Variants in SIN3A observed in about 807,000 individuals in gnomAD.
SIN3A encodes paired amphipathic helix protein Sin3a.
Under a neutral mutation model 146.1 loss-of-function variants are expected in SIN3A, and 14 were observed. The observed-to-expected ratio is 0.10, with a 90% CI of 0.06 to 0.15. The LOEUF (loss-of-function observed/expected upper bound fraction) is 0.15. Ranked by LOEUF, SIN3A falls within the 10% of genes least tolerant of loss-of-function variation. SIN3A has a pLI of 1.00. For synonymous variants in SIN3A, 572 were observed against 572.0 expected (o/e 1.00, Z 0.00); for missense variants, 1,028 against 1,576.0 (o/e 0.65, Z 5.89).
chr15:75,420,242 A>G (rs1005543190), intron 3 of SIN3A: 1 of 152,210 alleles, frequency 6.6e-6, no homozygotes, highest in African/African-American at 2.4e-5. Flanking sequence ...CTGACATTCA[A>G]TAACTAAATA....
intron 1 of SIN3A, among the ~76,000 whole-genome samples, chr15:75,438,838 T>C (rs1452586378): frequency 6.6e-6 from 1 of 152,242 alleles, no homozygotes; most frequent in Non-Finnish European, 1.5e-5. Context: ...CAAACTTCCA[T>C]CGCAGTATTA....
chr15:75,376,916 T>C (rs2072872857), intron 19 of SIN3A, among the ~76,000 whole-genome samples: 1 of 147,096 alleles, frequency 6.8e-6, no homozygotes, highest in South Asian at 2.2e-4. Flanking sequence ...TCAGTGAGAA[T>C]CTTTGTATAC....
At chr15:75,372,786 C>T (rs971108793) in intron 20 of SIN3A, among the ~76,000 whole-genome samples, 1 of 149,842 alleles carries the variant, frequency 6.7e-6, no homozygotes, top group Non-Finnish European at 1.5e-5. Flanking sequence ...CACCACCGCA[C>T]CCCAGCCTAG....
intron 9 of SIN3A, among the ~76,000 whole-genome samples, chr15:75,404,577 T>G (rs1267230886): frequency 6.6e-6 from 1 of 151,620 alleles, no homozygotes; most frequent in Non-Finnish European, 1.5e-5. Flanking sequence ...CTGGCCAACA[T>G]AGTGAAACCC....
At chr15:75,453,512 G>A (rs978387766), upstream of SIN3A, 2 of 152,424 alleles carry the variant, frequency 1.3e-5, no homozygotes, top group African/African-American at 4.8e-5. Flanking sequence ...GAACTACTCA[G>A]AACCCAAGCC....
chr15:75,409,895 G>C lies in SIN3A; in HGVS notation c.1258C>G (p.Pro420Ala). 1 of 1,613,802 alleles carries C rather than the reference G, an allele frequency of 6.2e-7. No homozygotes were observed. Among genetic ancestry groups the C allele is most frequent in the Non-Finnish European group, 8.5e-7 (1 of 1,180,028 alleles). The change falls in exon 8 of 21, where the codon CCC (proline) becomes GCC (alanine). Residue 420 changes from proline (P) to alanine (A), a missense_variant. Coordinates refer to ENST00000394947, the MANE Select transcript of SIN3A (RefSeq NM_001145358.2). ...CGGATCTGGCAGCCATTCTGGCTGG[G>C]CCTCTGCGGCTTGTTGTTCAGTTGG... Reference protein sequence around the residue: ...KPQLNNKPQRPSQNGCQIRRH... With the variant: ...KPQLNNKPQRASQNGCQIRRH...
intron 12 of SIN3A, among the ~76,000 whole-genome samples, chr15:75,396,733 T>C (rs1181828227): frequency 1.3e-5 from 2 of 152,176 alleles, no homozygotes; most frequent in Non-Finnish European, 2.9e-5. Context: ...GCACAATACC[T>C]GGCACATAAG....
intron 19 of SIN3A, among the ~76,000 whole-genome samples, chr15:75,377,847 C>G (rs1300586051): frequency 6.6e-6 from 1 of 152,172 alleles, no homozygotes; most frequent in African/African-American, 2.4e-5. Flanking sequence ...GAACAACTGA[C>G]TAAATATAGT....
At chr15:75,399,763 G>A (rs551560435) in intron 12 of SIN3A, among the ~76,000 whole-genome samples, 14 of 152,254 alleles carry the variant, frequency 9.2e-5, no homozygotes, top group Admixed American at 2.6e-4. Flanking sequence ...ATCTTAAAAT[G>A]CCATGCAAAA....
Position 75,409,974 on chromosome 15 carries a change from A to G in SIN3A, c.1179T>C (p.Thr393=). 1 of 1,614,190 alleles carries G rather than the reference A, an allele frequency of 6.2e-7. No individual in the cohort carries two copies. Among genetic ancestry groups the G allele is most frequent in the South Asian group, 1.1e-5 (1 of 91,086 alleles). The change falls in exon 8 of 21, where the codon ACT becomes ACC. Residue 393 remains threonine, a synonymous_variant. Coordinates refer to ENST00000394947, the MANE Select transcript of SIN3A (RefSeq NM_001145358.2). ...TTCTCACAGAATCAACCTTCTCAGCAGTTGTTTTGCTTAAAAGCTGATTAA... is the reference window on the plus strand; with the variant it reads ...TTCTCACAGAATCAACCTTCTCAGCGGTTGTTTTGCTTAAAAGCTGATTAA... ...ANSSVLLSKT[T]AEKVDSVRND...
At chr15:75,417,298 A>G (rs1379815656) in intron 3 of SIN3A, among the ~76,000 whole-genome samples, 1 of 152,134 alleles carries the variant, frequency 6.6e-6, no homozygotes, top group Non-Finnish European at 1.5e-5. Flanking sequence ...ACTGAAGCCT[A>G]AATATTTAAA....
intron 17 of SIN3A, among the ~76,000 whole-genome samples, chr15:75,383,271 T>TA (rs79340346): frequency 0.013 from 1,696 of 129,108 alleles, 35 homozygotes; most frequent in African/African-American, 0.037. Context: ...GTCCCTGTCT[T>TA]AAAAAAAAAA....
intron 20 of SIN3A, among the ~76,000 whole-genome samples, chr15:75,375,002 G>C (rs895950315): frequency 6.6e-6 from 1 of 152,198 alleles, no homozygotes; most frequent in African/African-American, 2.4e-5. Context: ...AGAATGTAAA[G>C]ACAGGTAGGA....
rs1052202038 is a variant in SIN3A at position 75,422,912 on chromosome 15, A to G, written c.190-89T>C. ...AAATAACTAACACAAATGCACAAAGATAATTAATTGGAAACCCAAATTTCT... is the reference window on the plus strand; with the variant it reads ...AAATAACTAACACAAATGCACAAAGGTAATTAATTGGAAACCCAAATTTCT... On this transcript the variant is annotated intron_variant, in intron 2 of 20. Coordinates refer to ENST00000394947, the MANE Select transcript of SIN3A (RefSeq NM_001145358.2). The G allele has an allele frequency of 1.1e-5, 15 of 1,387,892 alleles. No individual in the cohort carries two copies. The African/African-American group carries it at 2.0e-4, about 19-fold the overall frequency. The allele number at this position is 1,387,892 out of a possible 1,614,324, so 86.0% of individuals were successfully genotyped here.
Position 75,432,672 on chromosome 15 carries a change from T to A in SIN3A, c.-33-2264A>T, listed in dbSNP as rs1054678262. Among the ~76,000 whole-genome samples the A allele has an allele frequency of 3.2e-5, 4 of 125,236 alleles. No homozygotes were observed. The East Asian group carries it at 6.6e-4, about 21-fold the overall frequency. The allele number at this position is 125,236 out of a possible 152,430, so 82.2% of individuals were successfully genotyped here. A position where few individuals can be genotyped will look rare whatever the true frequency, so the allele number is the denominator to read the frequency against. On this transcript the variant is annotated intron_variant, in intron 1 of 20. Transcript: ENST00000394947. The stretch of plus-strand genomic sequence containing the variant: ...CTGCACTCCAGCCTGGGCAACAGAC[T>A]GAGACTCTGTCTCAAAAAAAAAAAA...
At chr15:75,417,485 T>C (rs1467570478) in intron 3 of SIN3A, among the ~76,000 whole-genome samples, 1 of 151,700 alleles carries the variant, frequency 6.6e-6, no homozygotes, top group Admixed American at 6.6e-5. Context: ...AAGTGATATC[T>C]CCTGCCTCAG....
chr15:75,382,944 G>C (rs985016575), intron 17 of SIN3A, among the ~76,000 whole-genome samples: 2 of 152,116 alleles, frequency 1.3e-5, no homozygotes, highest in South Asian at 4.1e-4. Context: ...CACACAAGCT[G>C]GCCATGGTGG....
At chr15:75,389,556 G>A in intron 16 of SIN3A, 96 bp downstream of exon 16, 1 of 1,165,776 alleles carries the variant, frequency 8.6e-7, no homozygotes, top group Middle Eastern at 2.8e-4. Context: ...CATAAACACT[G>A]TTATATGAAA....
At chr15:75,434,424 C>T (rs1216645352) in intron 1 of SIN3A, among the ~76,000 whole-genome samples, 1 of 151,568 alleles carries the variant, frequency 6.6e-6, no homozygotes, top group Non-Finnish European at 1.5e-5. Flanking sequence ...CCGAGGCAGG[C>T]GGATCACTTG....
Sources: gnomAD v4.1 joint callset for allele counts (sites outside exome capture counted in the v4.1 genomes callset) on GRCh38, gnomAD v4.1.1 for gene constraint, MANE v1.5 for transcripts, NCBI Gene and HGNC (gene_info 2026-07-23, HGNC 2026-07-21) for gene names.